Variants in SHISA5 observed in about 807,000 individuals in gnomAD.
The protein encoded by SHISA5 is protein shisa-5.
In SHISA5, 21 loss-of-function variants were observed where a neutral mutation model predicts 27.5. The observed-to-expected ratio is 0.76, with a 90% CI of 0.54 to 1.10. SHISA5 has a LOEUF of 1.10. Ranked by LOEUF, SHISA5 falls within the 50% of genes least tolerant of loss-of-function variation. The pLI is 0.00. For synonymous variants in SHISA5, 137 were observed against 142.2 expected, an observed-to-expected ratio of 0.96 and a Z score of 0.26; for missense variants, 314 against 336.3, an observed-to-expected ratio of 0.93 and a Z score of 0.52.
In SHISA5 at chr3:48,470,223, A is replaced by G. The variant is rs899640343; in HGVS notation, c.315-380T>C. ...GAGTCAAAAAACTTAACAGTGGGCA[A>G]GACAGCCAGCCCTGGCCTCTGGGAG... On this transcript the variant is annotated intron_variant, in intron 3 of 5. Transcript: ENST00000296444. This position sits in a 1 kb window ranked among gnomAD's most constrained non-coding sequence, Gnocchi z 4.3. Among the ~76,000 whole-genome samples the G allele has an allele frequency of 1.3e-5, 2 of 152,272 alleles. No individual in the cohort carries two copies. Among genetic ancestry groups the G allele is most frequent in the Non-Finnish European group, 2.9e-5 (2 of 68,052 alleles).
chr3:48,469,205 C>T lies in SHISA5; in HGVS notation c.644-19G>A. On this transcript the variant is annotated intron_variant, in intron 5 of 5. Transcript: ENST00000296444. The surrounding 1 kb of genome is among the most constrained non-coding windows in gnomAD (Gnocchi z 4.6). Reference sequence around the variant, plus strand: ...GCTCCTCCTGAAAGCAGAGAGGACCCTGGTTGGCTGTGAGCATGGTGGGCT... The same window carrying T: ...GCTCCTCCTGAAAGCAGAGAGGACCTTGGTTGGCTGTGAGCATGGTGGGCT... 6.2e-7 allele frequency: 1 copy of T among 1,609,630 alleles called. No homozygotes were observed. The highest frequency in any genetic ancestry group is 8.5e-7 in the Non-Finnish European group (1 of 1,178,620).
chr3:48,473,823 G>T lies in SHISA5; in HGVS notation c.315-3980C>A, dbSNP rs2040727588. Among the ~76,000 whole-genome samples the T allele has an allele frequency of 6.6e-6, 1 of 152,140 alleles. No individual in the cohort carries two copies. Among genetic ancestry groups the T allele is most frequent in the Non-Finnish European group, 1.5e-5 (1 of 68,028 alleles). ...CACCTGCAATCCCAGCACTTTGGGA[G>T]GCCGAGGCTTTTGGGAAGCTTGAGC... On this transcript the variant is annotated intron_variant, in intron 3 of 5. Coordinates refer to ENST00000296444, the MANE Select transcript of SHISA5 (RefSeq NM_016479.6). This position sits in a 1 kb window ranked among gnomAD's most constrained non-coding sequence, Gnocchi z 4.3.
intron 2 of SHISA5, among the ~76,000 whole-genome samples, chr3:48,482,344 G>T (rs1051434461): frequency 6.6e-6 from 1 of 151,860 alleles, no homozygotes; most frequent in Non-Finnish European, 1.5e-5. Context: ...GTTCCAGGCT[G>T]CAGTGAGCTG....
In SHISA5 at chr3:48,475,298, G is replaced by A. The variant is rs755021634; in HGVS notation, c.314+3879C>T. 2.6e-5 allele frequency among the ~76,000 whole-genome samples: 4 copies of A among 152,090 alleles called. 1 individual carries two copies. Among genetic ancestry groups the A allele is most frequent in the South Asian group, 4.1e-4 (2 of 4,826 alleles). ...ACAGTACCAATGGAACTACGCCTCC[G>A]AGAGGAAGGAATGGGGTCTCCCAAG... On this transcript the variant is annotated intron_variant, in intron 3 of 5. Transcript: ENST00000296444.
At chr3:48,488,833 CAA>C (rs367782789) in intron 2 of SHISA5, among the ~76,000 whole-genome samples, 652 of 48,618 alleles carry the variant, frequency 0.013, 4 homozygotes, top group African/African-American at 0.042. Flanking sequence ...AACTCCGTCT[CAA>C]AAAAAAAAAA....
At position 48,501,016 on chromosome 3, in the gene SHISA5, G is replaced by C. The variant is rs191058145; in HGVS notation, c.233+121C>G. ...GGATCCCTAAACCCTCTGCTCCAAT[G>C]CTCTGGCCACCATCTTGAGAGGGCT... On this transcript the variant is annotated intron_variant, in intron 2 of 5. Coordinates refer to ENST00000296444, the MANE Select transcript of SHISA5 (RefSeq NM_016479.6). The C allele has an allele frequency of 2.4e-3, 2,782 of 1,164,114 alleles. 4 individuals are homozygous for C. The highest frequency in any genetic ancestry group is 2.9e-3 in the Non-Finnish European group (2,415 of 833,976). The allele number at this position is 1,164,114 out of a possible 1,614,324, so 72.1% of individuals were successfully genotyped here. A position where few individuals can be genotyped will look rare whatever the true frequency, so the allele number is the denominator to read the frequency against.
At position 48,468,480 on chromosome 3, in the gene SHISA5, C is replaced by CT; in HGVS notation, c.*626dup. The stretch of plus-strand genomic sequence containing the variant: ...TGAGTAGGGCTCTGCCTGAGGTGTT[C>CT]TGGCATCAGGAGGCTGCCTGATCCC... On this transcript the variant is annotated 3_prime_UTR_variant, in exon 6 of 6. Coordinates refer to ENST00000296444, the MANE Select transcript of SHISA5 (RefSeq NM_016479.6). 1 of 1,180,536 alleles carries CT rather than the reference C, an allele frequency of 8.5e-7. No homozygotes were observed. Among genetic ancestry groups the CT allele is most frequent in the Non-Finnish European group, 1.1e-6 (1 of 939,350 alleles). The allele number at this position is 1,180,536 out of a possible 1,614,324, so 73.1% of individuals were successfully genotyped here.
rs937258491 is a variant in SHISA5, at chr3:48,470,174, G to A, written c.315-331C>T. 6.6e-6 allele frequency among the ~76,000 whole-genome samples: 1 copy of A among 152,208 alleles called. No individual in the cohort carries two copies. Among genetic ancestry groups the A allele is most frequent in the Admixed American group, 6.5e-5 (1 of 15,282 alleles). On this transcript the variant is annotated intron_variant, in intron 3 of 5. Coordinates refer to ENST00000296444, the MANE Select transcript of SHISA5 (RefSeq NM_016479.6). This position sits in a 1 kb window ranked among gnomAD's most constrained non-coding sequence, Gnocchi z 4.3. ...ATCAGCAGATGGGTATAGGGCACATGCCACAAGCCAGGCACTGTGATTTGA... is the reference window on the plus strand; with the variant it reads ...ATCAGCAGATGGGTATAGGGCACATACCACAAGCCAGGCACTGTGATTTGA...
chr3:48,485,326 T>C (rs1172368480), intron 2 of SHISA5, among the ~76,000 whole-genome samples: 1 of 151,462 alleles, frequency 6.6e-6, no homozygotes, highest in African/African-American at 2.4e-5. Context: ...AGAAACCCCG[T>C]CTCTACTAAA....
chr3:48,480,993 T>G (rs6785845), intron 2 of SHISA5, among the ~76,000 whole-genome samples: 19,190 of 146,582 alleles, frequency 0.13, 2,662 homozygotes, highest in African/African-American at 0.35. Flanking sequence ...TACTCTGGAG[T>G]CTGAGGGAGG....
In SHISA5 at chr3:48,494,681, T is replaced by C. The variant is rs1192759177; in HGVS notation, c.233+6456A>G. ...CCATTTATCCTGATGGACAGGTAGATTGATTGCATACTTTGGCTATTGTGA... is the reference window on the plus strand; with the variant it reads ...CCATTTATCCTGATGGACAGGTAGACTGATTGCATACTTTGGCTATTGTGA... On this transcript the variant is annotated intron_variant, in intron 2 of 5. Transcript: ENST00000296444. 4.7e-5 allele frequency among the ~76,000 whole-genome samples: 7 copies of C among 147,816 alleles called. No individual in the cohort carries two copies. In the East Asian group the frequency reaches 1.3e-3, roughly 28 times the overall value.
intron 3 of SHISA5, among the ~76,000 whole-genome samples, chr3:48,474,235 G>A (rs1272535720): frequency 6.6e-6 from 1 of 151,458 alleles, no homozygotes; most frequent in African/African-American, 2.4e-5. Flanking sequence ...CCACAGGCAT[G>A]CACCACCACA....
chr3:48,490,964 C>G (rs565706868), intron 2 of SHISA5, among the ~76,000 whole-genome samples: 34 of 152,294 alleles, frequency 2.2e-4, no homozygotes, highest in African/African-American at 7.5e-4. Context: ...TTATCTTAAT[C>G]TGAACATTCC....
In SHISA5 at chr3:48,469,296, T is replaced by G. The variant is rs1366353634; in HGVS notation, c.643+65A>C. On this transcript the variant is annotated intron_variant, in intron 5 of 5. Transcript: ENST00000296444. This position sits in a 1 kb window ranked among gnomAD's most constrained non-coding sequence, Gnocchi z 4.6. Reference sequence around the variant, plus strand: ...GTTGAGTGATGTAGTTTGGGATGGGTGCCCGAGGGATGCTGGCAGAGACTC... The same window carrying G: ...GTTGAGTGATGTAGTTTGGGATGGGGGCCCGAGGGATGCTGGCAGAGACTC... 1 of 1,566,024 alleles carries G rather than the reference T, an allele frequency of 6.4e-7. No individual in the cohort carries two copies. Among genetic ancestry groups the G allele is most frequent in the Admixed American group, 1.8e-5 (1 of 56,476 alleles).
At position 48,473,524 on chromosome 3, in the gene SHISA5, G is replaced by A. The variant is rs1045300024; in HGVS notation, c.315-3681C>T. The A allele has an allele frequency of 2.3e-6, 3 of 1,288,760 alleles. No individual in the cohort carries two copies. The highest frequency in any genetic ancestry group is 3.0e-6 in the Non-Finnish European group (3 of 988,718). 79.8% of individuals were successfully genotyped at this position (1,288,760 alleles called of 1,614,324 possible). ...GGGCCCTGGCTGACACACATGCAAG[G>A]AGCAAAGTCCAGCCTGTCCCTTTAG... On this transcript the variant is annotated intron_variant, in intron 3 of 5. Coordinates refer to ENST00000296444, the MANE Select transcript of SHISA5 (RefSeq NM_016479.6). This position sits in a 1 kb window ranked among gnomAD's most constrained non-coding sequence, Gnocchi z 4.3.
At chr3:48,500,521 G>A (rs1218381384) in intron 2 of SHISA5, among the ~76,000 whole-genome samples, 1 of 152,088 alleles carries the variant, frequency 6.6e-6, no homozygotes, top group African/African-American at 2.4e-5. Flanking sequence ...CACCTGCCAT[G>A]AGCAGAGGAG....
rs201123709 is a variant in SHISA5 at position 48,469,689 on chromosome 3, C to G, written c.430+39G>C. 75 of 1,611,750 alleles carry G rather than the reference C, an allele frequency of 4.7e-5. No individual in the cohort carries two copies. In the Admixed American group the frequency reaches 1.2e-3, roughly 27 times the overall value. On this transcript the variant is annotated intron_variant, in intron 4 of 5. Coordinates refer to ENST00000296444, the MANE Select transcript of SHISA5 (RefSeq NM_016479.6). The surrounding 1 kb of genome is among the most constrained non-coding windows in gnomAD (Gnocchi z 4.6). Reference sequence around the variant, plus strand: ...AGGGCCTGGTCAGCTTCCCTTACCACCCCAGGGGGTCACAGTGGGGCAGGG... The same window carrying G: ...AGGGCCTGGTCAGCTTCCCTTACCAGCCCAGGGGGTCACAGTGGGGCAGGG...
chr3:48,501,012 C>T lies in SHISA5; in HGVS notation c.233+125G>A. 5.3e-6 allele frequency: 6 copies of T among 1,132,402 alleles called. No homozygotes were observed. In the South Asian group the frequency reaches 9.4e-5, roughly 18 times the overall value. 70.1% of individuals were successfully genotyped at this position (1,132,402 alleles called of 1,614,324 possible). A position where few individuals can be genotyped will look rare whatever the true frequency, so the allele number is the denominator to read the frequency against. On this transcript the variant is annotated intron_variant, in intron 2 of 5. Coordinates refer to ENST00000296444, the MANE Select transcript of SHISA5 (RefSeq NM_016479.6). ...CAGGGGATCCCTAAACCCTCTGCTCCAATGCTCTGGCCACCATCTTGAGAG... is the reference window on the plus strand; with the variant it reads ...CAGGGGATCCCTAAACCCTCTGCTCTAATGCTCTGGCCACCATCTTGAGAG...
rs11709546 is a variant in SHISA5 at position 48,480,523 on chromosome 3, G to T, written c.234-1266C>A. Among the ~76,000 whole-genome samples the T allele has an allele frequency of 8.0e-3, 1,217 of 152,166 alleles. 5 individuals are homozygous for T. Among genetic ancestry groups the T allele is most frequent in the Non-Finnish European group, 0.013 (851 of 68,002 alleles). ...AATAGAATTTATCAAGAAATGGGGG[G>T]GCCGAGGAGGGTGGATCTCAAGGTC... is the stretch of plus-strand genomic sequence containing the variant. On this transcript the variant is annotated intron_variant, in intron 2 of 5. Coordinates refer to ENST00000296444, the MANE Select transcript of SHISA5 (RefSeq NM_016479.6).
Sources: allele counts gnomAD v4.1 joint callset (sites outside exome capture counted in the v4.1 genomes callset), GRCh38; gene constraint gnomAD v4.1.1; non-coding constraint Gnocchi (gnomAD v3.1); transcripts MANE v1.5; gene names NCBI Gene and HGNC (gene_info 2026-07-23, HGNC 2026-07-21).